FSTL5: variants seen among roughly 807,000 people sequenced by gnomAD.
The protein encoded by FSTL5 is follistatin-related protein 5.
A neutral mutation model predicts 89.1 loss-of-function variants in FSTL5; 62 were observed. That is an observed-to-expected ratio of 0.70 (90% CI 0.57 to 0.86). FSTL5 has a LOEUF of 0.86. Ranked by LOEUF, FSTL5 falls within the 40% of genes least tolerant of loss-of-function variation. The probability of loss-of-function intolerance (pLI) is 0.00; values close to 1 mark genes in which losing one functional copy is unlikely to be tolerated. For synonymous variants in FSTL5, 383 were observed against 346.2 expected, an observed-to-expected ratio of 1.11 and a Z score of -1.18; for missense variants, 1,057 against 1,001.6, an observed-to-expected ratio of 1.06 and a Z score of -0.75.
intron 1 of FSTL5, among the ~76,000 whole-genome samples, chr4:162,123,882 GAAGA>G (rs955487189): frequency 2.7e-5 from 4 of 150,670 alleles, no homozygotes; most frequent in Non-Finnish European, 5.9e-5. Context: ...AAAAAAAACT[GAAGA>G]AAGGTGAAAA....
chr4:161,509,260 G>A (rs1031397617), intron 11 of FSTL5, among the ~76,000 whole-genome samples: 3 of 152,260 alleles, frequency 2.0e-5, no homozygotes, highest in East Asian at 3.9e-4. Context: ...CCGAGATCGC[G>A]CCGTTGAACT....
intron 3 of FSTL5, among the ~76,000 whole-genome samples, chr4:161,989,009 T>C (rs1307831707): frequency 6.6e-6 from 1 of 152,160 alleles, no homozygotes; most frequent in African/African-American, 2.4e-5. Context: ...TGTAATCATT[T>C]TGTGGAATGT....
intron 4 of FSTL5, among the ~76,000 whole-genome samples, chr4:161,800,884 G>C (rs1158626789): frequency 6.6e-6 from 1 of 151,458 alleles, no homozygotes; most frequent in Non-Finnish European, 1.5e-5. Context: ...TAAAATTGGT[G>C]AATATTATGA....
chr4:161,750,004 C>T (rs918737379), intron 6 of FSTL5, among the ~76,000 whole-genome samples: 2 of 151,840 alleles, frequency 1.3e-5, no homozygotes, highest in Non-Finnish European at 2.9e-5. Flanking sequence ...CCAAAAAATA[C>T]AATACGATAA....
At chr4:161,556,064 T>C (rs542620331) in intron 8 of FSTL5, among the ~76,000 whole-genome samples, 1 of 151,622 alleles carries the variant, frequency 6.6e-6, no homozygotes, top group South Asian at 2.1e-4. Flanking sequence ...GATGCAAATG[T>C]AAACCCTGTC....
intron 10 of FSTL5, among the ~76,000 whole-genome samples, chr4:161,534,731 A>G (rs1343088848): frequency 2.0e-5 from 3 of 152,122 alleles, no homozygotes; most frequent in African/African-American, 7.2e-5. Context: ...TCTATCCTCA[A>G]ATTCATTTGG....
At chr4:161,572,075 C>T (rs960324446) in intron 8 of FSTL5, among the ~76,000 whole-genome samples, 23 of 151,818 alleles carry the variant, frequency 1.5e-4, no homozygotes, top group African/African-American at 5.3e-4. Flanking sequence ...TTTGTGAGGC[C>T]GAGGCGGGTG....
intron 4 of FSTL5, among the ~76,000 whole-genome samples, chr4:161,811,642 C>T (rs1400451968): frequency 2.0e-5 from 3 of 151,568 alleles, no homozygotes; most frequent in East Asian, 3.9e-4. Flanking sequence ...TTATATCAAG[C>T]GGGCTTGAAA....
chr4:161,578,852 A>G (rs1371456512), intron 8 of FSTL5, among the ~76,000 whole-genome samples: 1 of 152,098 alleles, frequency 6.6e-6, no homozygotes, highest in East Asian at 1.9e-4. Flanking sequence ...AAAACCAAAA[A>G]CTGCCTACTT....
intron 6 of FSTL5, among the ~76,000 whole-genome samples, chr4:161,695,847 T>A (rs191543194): frequency 6.6e-6 from 1 of 152,250 alleles, no homozygotes; most frequent in Admixed American, 6.5e-5. Flanking sequence ...TCCTTATAGA[T>A]TCTGAATATT....
At chr4:161,569,719 A>T (rs932469238) in intron 8 of FSTL5, among the ~76,000 whole-genome samples, 1 of 151,764 alleles carries the variant, frequency 6.6e-6, no homozygotes, top group Non-Finnish European at 1.5e-5. Context: ...CAGCAGCCAG[A>T]TATGAAAAGG....
chr4:161,469,782 C>T (rs141932538), intron 13 of FSTL5, among the ~76,000 whole-genome samples: 12 of 151,796 alleles, frequency 7.9e-5, no homozygotes, highest in Non-Finnish European at 1.6e-4. Context: ...GGACTACAGG[C>T]GCCCACCACC....
At chr4:161,749,253 C>T (rs544891299) in intron 6 of FSTL5, among the ~76,000 whole-genome samples, 2 of 152,204 alleles carry the variant, frequency 1.3e-5, no homozygotes, top group South Asian at 4.1e-4. Flanking sequence ...GCACTATTCA[C>T]AATAGCAAAG....
intron 6 of FSTL5, among the ~76,000 whole-genome samples, chr4:161,677,082 C>A (rs975570102): frequency 6.6e-6 from 1 of 151,902 alleles, no homozygotes; most frequent in African/African-American, 2.4e-5. Context: ...ATTAAAACAT[C>A]TCTTAAATTA....
intron 2 of FSTL5, among the ~76,000 whole-genome samples, chr4:162,057,893 G>C (rs955967607): frequency 6.6e-6 from 1 of 152,074 alleles, no homozygotes; most frequent in Non-Finnish European, 1.5e-5. Flanking sequence ...GCAGTGAGCC[G>C]AGATCACATC....
chr4:161,953,181 C>G (rs534795967), intron 3 of FSTL5, among the ~76,000 whole-genome samples: 2 of 151,734 alleles, frequency 1.3e-5, no homozygotes, highest in East Asian at 3.9e-4. Context: ...TGTCTGTTTG[C>G]TCTCTGTATT....
At chr4:161,400,388 C>T (rs1015443198) in intron 15 of FSTL5, among the ~76,000 whole-genome samples, 1 of 151,994 alleles carries the variant, frequency 6.6e-6, no homozygotes, top group African/African-American at 2.4e-5. Context: ...TGCTTATCAT[C>T]ATTTTAATCT....
intron 7 of FSTL5, among the ~76,000 whole-genome samples, chr4:161,606,341 G>T (rs746391020): frequency 1.4e-5 from 2 of 145,248 alleles, no homozygotes; most frequent in Non-Finnish European, 3.0e-5. Context: ...ACTGACTACC[G>T]GCTTCAGGTG....
intron 2 of FSTL5, among the ~76,000 whole-genome samples, chr4:162,069,598 G>A (rs913159832): frequency 6.6e-6 from 1 of 151,694 alleles, no homozygotes; most frequent in Non-Finnish European, 1.5e-5. Flanking sequence ...CTATTTCCAT[G>A]AGCCCAACAT....
Sources: allele counts gnomAD v4.1 joint callset (sites outside exome capture counted in the v4.1 genomes callset), GRCh38; gene constraint gnomAD v4.1.1; transcripts MANE v1.5; gene names NCBI Gene and HGNC (gene_info 2026-07-23, HGNC 2026-07-21).